The following MGST2 variants were observed in gnomAD, a reference collection of about 807,000 sequenced individuals.
MGST2 encodes the protein glutathione peroxidase MGST2.
MGST2 carries 9 observed loss-of-function variants against 16.6 expected under a neutral mutation model. The observed-to-expected ratio is 0.54, with a 90% CI of 0.33 to 0.95. The LOEUF is 0.95. MGST2 is among the 40% of genes least tolerant of loss of function. The probability of loss-of-function intolerance (pLI) is 0.03; values close to 1 mark genes in which losing one functional copy is unlikely to be tolerated. For missense variants in MGST2, 159 were observed against 175.1 expected (o/e 0.91, Z 0.52); for synonymous variants, 79 against 68.0 (o/e 1.16, Z -0.79).
At chr4:139,739,679 G>GTTT (rs1553952725) in intron 5 of MGST2, among the ~76,000 whole-genome samples, 2 of 132,356 alleles carry the variant, frequency 1.5e-5, no homozygotes, top group Non-Finnish European at 3.1e-5. Context: ...GAGGAAAGCA[G>GTTT]TTTTTTTTTT....
At chr4:139,745,516 C>T (rs1159309933), downstream of MGST2, among the ~76,000 whole-genome samples, 1 of 152,142 alleles carries the variant, frequency 6.6e-6, no homozygotes, top group African/African-American at 2.4e-5. Context: ...AAGCCAAATG[C>T]ACCTGCCAGG....
intron 1 of MGST2, among the ~76,000 whole-genome samples, chr4:139,672,559 A>G (rs1265370770): frequency 6.7e-6 from 1 of 149,936 alleles, no homozygotes; most frequent in African/African-American, 2.5e-5. Flanking sequence ...GAAAACTCCA[A>G]TCCCAAGCAT....
chr4:139,707,347 C>T (rs1478867466), downstream of MGST2, among the ~76,000 whole-genome samples: 7 of 151,852 alleles, frequency 4.6e-5, no homozygotes, highest in African/African-American at 7.3e-5. Flanking sequence ...TGATGGTTTC[C>T]AGTTTCATCC....
chr4:139,674,319 C>T (rs1205433490), intron 1 of MGST2, among the ~76,000 whole-genome samples: 1 of 152,142 alleles, frequency 6.6e-6, no homozygotes, highest in Non-Finnish European at 1.5e-5. Context: ...AGGAGACATT[C>T]TTTTGAGTTT....
chr4:139,711,022 T>G (rs1727719257), intron 5 of MGST2, among the ~76,000 whole-genome samples: 1 of 151,684 alleles, frequency 6.6e-6, no homozygotes, highest in African/African-American at 2.4e-5. Context: ...CCTTTTTTTT[T>G]TTTTGTTTTG....
intron 2 of MGST2, among the ~76,000 whole-genome samples, chr4:139,689,470 A>G (rs1726444899): frequency 6.6e-6 from 1 of 152,180 alleles, no homozygotes; most frequent in Admixed American, 6.5e-5. Flanking sequence ...TCTCATCCCC[A>G]AGCCTTTTCT....
chr4:139,666,117 C>CGTGTGT lies in MGST2; in HGVS notation c.58+52_58+57dup, dbSNP rs1553943707. The CGTGTGT allele has an allele frequency of 3.0e-4, 306 of 1,025,410 alleles. No individual in the cohort carries two copies. The Admixed American group carries it at 5.7e-3, about 19-fold the overall frequency. The allele number at this position is 1,025,410 out of a possible 1,614,324, so 63.5% of individuals were successfully genotyped here. ...AAGTTCGTGTGTGTGCGCGTGTGTG[C>CGTGTGT]GTGTGTGTGTGTGTGTGACAAGGCT... On this transcript the variant is annotated intron_variant, in intron 1 of 4. Transcript: ENST00000265498.
intron 2 of MGST2, among the ~76,000 whole-genome samples, chr4:139,691,824 G>T (rs151060518): frequency 6.6e-6 from 1 of 151,950 alleles, no homozygotes; most frequent in Non-Finnish European, 1.5e-5. Flanking sequence ...TTAGTCTCCC[G>T]AGTAACTGGG....
At chr4:139,749,545 T>C in the MGST2 span, among the ~76,000 whole-genome samples, 1 of 152,104 alleles carries the variant, frequency 6.6e-6, no homozygotes, top group Non-Finnish European at 1.5e-5. Flanking sequence ...CTCTGGTAAC[T>C]GTCAAGGGGG....
At position 139,719,756 on chromosome 4, in the gene MGST2, G is replaced by A. The variant is rs185593153; in HGVS notation, c.*48+15560G>A. ...TGGGAAGTGCTGCTTGGTCAGTCTC[G>A]GCTGCCCAGCTTGAAGAGGGTAGCT... On this transcript the variant is annotated intron_variant, in intron 5 of 5. Coordinates refer to the MGST2 transcript ENST00000616265. 1.3e-4 allele frequency: 207 copies of A among 1,613,690 alleles called. 1 individual carries two copies. The highest frequency in any genetic ancestry group is 1.1e-3 in the East Asian group (49 of 44,874).
At chr4:139,728,382 G>GT (rs1728563760) in intron 5 of MGST2, among the ~76,000 whole-genome samples, 1 of 152,202 alleles carries the variant, frequency 6.6e-6, no homozygotes, top group African/African-American at 2.4e-5. Flanking sequence ...CCAGGGCCAC[G>GT]TGACAGGCCC....
downstream of MGST2, among the ~76,000 whole-genome samples, chr4:139,706,978 A>C (rs142485170): frequency 3.9e-3 from 599 of 152,300 alleles, 5 homozygotes; most frequent in African/African-American, 0.014. Context: ...TTGCCTTAAA[A>C]AGTCAGTGTC....
chr4:139,720,232 C>T (rs1235997133), intron 5 of MGST2: 51 of 1,611,056 alleles, frequency 3.2e-5, no homozygotes, highest in Non-Finnish European at 4.2e-5. Flanking sequence ...GTCCTATTCC[C>T]ATCATGCCTG....
intron 1 of MGST2, among the ~76,000 whole-genome samples, chr4:139,668,776 C>T (rs990555455): frequency 1.3e-5 from 2 of 152,034 alleles, no homozygotes; most frequent in Non-Finnish European, 2.9e-5. Flanking sequence ...GGGTTTTGGG[C>T]AGTATGGCTT....
At chr4:139,709,908 G>A (rs957514751) in intron 5 of MGST2, among the ~76,000 whole-genome samples, 1 of 152,194 alleles carries the variant, frequency 6.6e-6, no homozygotes, top group Non-Finnish European at 1.5e-5. Flanking sequence ...GCAGGTGTCT[G>A]TGCCAGCTAC....
intron 2 of MGST2, among the ~76,000 whole-genome samples, chr4:139,684,080 A>C (rs1184035868): frequency 6.6e-6 from 1 of 152,034 alleles, no homozygotes; most frequent in Non-Finnish European, 1.5e-5. Context: ...GCCTGCCACC[A>C]TGCCTAGCTA....
chr4:139,748,203 A>C, the MGST2 span, among the ~76,000 whole-genome samples: 8 of 152,222 alleles, frequency 5.3e-5, no homozygotes, highest in South Asian at 1.7e-3. Context: ...ATCTCTTTAC[A>C]TTGTCCAGGG....
intron 2 of MGST2, chr4:139,687,564 G>A (rs988452575): frequency 6.6e-6 from 1 of 152,136 alleles, no homozygotes; most frequent in Non-Finnish European, 1.5e-5. Context: ...AGGACTTAGA[G>A]CTTAGAGGTC....
At chr4:139,717,484 G>A (rs111321539) in intron 5 of MGST2, 256 of 152,418 alleles carry the variant, frequency 1.7e-3, no homozygotes, top group Middle Eastern at 3.4e-3. Context: ...CGGAGAGGGC[G>A]CCCAGCCCCT....
Sources: allele counts gnomAD v4.1 joint callset (sites outside exome capture counted in the v4.1 genomes callset), GRCh38; gene constraint gnomAD v4.1.1; transcripts MANE v1.5; gene names NCBI Gene and HGNC (gene_info 2026-07-23, HGNC 2026-07-21).